ACCS: variants seen among roughly 807,000 people sequenced by gnomAD.
ACCS encodes 1-aminocyclopropane-1-carboxylate synthase homolog (inactive).
A neutral mutation model predicts 59.8 loss-of-function variants in ACCS; 42 were observed. The observed-to-expected ratio is 0.70, with a 90% CI of 0.55 to 0.91. ACCS has a LOEUF of 0.91. Among genes scored for constraint, ACCS ranks in the 40% least tolerant of loss-of-function variants. The probability of loss-of-function intolerance (pLI) is 0.00; values close to 1 mark genes in which losing one functional copy is unlikely to be tolerated. For missense variants in ACCS, 602 were observed against 630.4 expected (o/e 0.95, Z 0.48); for synonymous variants, 230 against 240.3 (o/e 0.96, Z 0.40).
chr11:44,084,112 A>C lies in ACCS; in HGVS notation c.*320A>C. 3.7e-6 allele frequency: 1 copy of C among 268,188 alleles called. No individual in the cohort carries two copies. The allele number at this position is 268,188 out of a possible 1,614,324, so 16.6% of individuals were successfully genotyped here. A position where few individuals can be genotyped will look rare whatever the true frequency, so the allele number is the denominator to read the frequency against. Reference sequence around the variant, plus strand: ...CCCCTGAGGATGTGAAAAGAAAACAAACAACTTGTACCTTCTTTCTGATAT... The same window carrying C: ...CCCCTGAGGATGTGAAAAGAAAACACACAACTTGTACCTTCTTTCTGATAT... On this transcript the variant is annotated 3_prime_UTR_variant, in exon 15 of 15. Coordinates refer to ENST00000263776, the MANE Select transcript of ACCS (RefSeq NM_032592.4).
At chr11:44,078,917 G>A in intron 9 of ACCS, 133 bp downstream of exon 9, 3 of 677,144 alleles carry the variant, frequency 4.4e-6, no homozygotes, top group Non-Finnish European at 7.6e-6. Flanking sequence ...CTTGGCAGTG[G>A]AGCGGGGAAG....
rs1953744194 is a variant in ACCS at position 44,083,688 on chromosome 11, T to A, written c.1409-7T>A. ...GTGCCAACTGGCCCCTCACTTCCCC[T>A]TCCCAGGGATGCAGAGGGTCCAGCA... On this transcript the variant is annotated splice_region_variant and splice_polypyrimidine_tract_variant and intron_variant, in intron 14 of 14. Coordinates refer to ENST00000263776, the MANE Select transcript of ACCS (RefSeq NM_032592.4). 1 of 1,613,986 alleles carries A rather than the reference T, an allele frequency of 6.2e-7. No individual in the cohort carries two copies. Among genetic ancestry groups the A allele is most frequent in the Non-Finnish European group, 8.5e-7 (1 of 1,180,006 alleles).
chr11:44,077,203 G>C (rs1218313037), intron 6 of ACCS, 76 bp from the exon 7 acceptor site: 45 of 1,496,794 alleles, frequency 3.0e-5, no homozygotes, highest in Non-Finnish European at 2.7e-5. Flanking sequence ...CTTGGAGAGG[G>C]ACTGGGGACA....
At chr11:44,070,507 C>T (rs141247222) in intron 2 of ACCS, among the ~76,000 whole-genome samples, 41 of 152,278 alleles carry the variant, frequency 2.7e-4, no homozygotes, top group Admixed American at 2.6e-4. Context: ...AGCCTGAGCT[C>T]ATTCAGGTTT....
In ACCS at chr11:44,081,250, T is replaced by C; in HGVS notation, c.1041T>C (p.Ala347=). Residue 347 remains alanine, a synonymous_variant, in exon 12 of 15, where the codon GCT becomes GCC. Transcript: ENST00000263776. The stretch of plus-strand genomic sequence containing the variant: ...ACCAGGATGTGGCCACTGCCGTGGC[T>C]TCCCTCTGCCGCTACCACGGCCTCA... ...TENQDVATAV[A]SLCRYHGLSG... 6.2e-7 allele frequency: 1 copy of C among 1,614,256 alleles called. No homozygotes were observed. Among genetic ancestry groups the C allele is most frequent in the Non-Finnish European group, 8.5e-7 (1 of 1,180,042 alleles).
chr11:44,073,129 G>A (rs1056685437), intron 3 of ACCS, among the ~76,000 whole-genome samples: 4 of 152,160 alleles, frequency 2.6e-5, no homozygotes, highest in Admixed American at 6.5e-5. Context: ...GTGCTCTTCC[G>A]TTAATACTTT....
intron 2 of ACCS, among the ~76,000 whole-genome samples, chr11:44,068,662 A>G (rs1952904292): frequency 6.6e-6 from 1 of 152,216 alleles, no homozygotes; most frequent in East Asian, 1.9e-4. Context: ...CCTGTTGTGT[A>G]GAAGAGTCAA....
At chr11:44,078,276 C>T (rs1488829977) in intron 8 of ACCS, 8 of 328,300 alleles carry the variant, frequency 2.4e-5, no homozygotes, top group Admixed American at 9.0e-5. Context: ...GGCAACCTTG[C>T]TCACTGTGGG....
chr11:44,076,467 G>A (rs1267653309), intron 6 of ACCS, among the ~76,000 whole-genome samples: 1 of 152,196 alleles, frequency 6.6e-6, no homozygotes, highest in African/African-American at 2.4e-5. Flanking sequence ...GTCACACAAA[G>A]AGAGGTAGTA....
Position 44,078,714 on chromosome 11 carries a change from A to G in ACCS, c.763A>G (p.Ser255Gly), listed in dbSNP as rs1030004630. The G allele has an allele frequency of 1.3e-5, 21 of 1,614,038 alleles. No individual in the cohort carries two copies. The highest frequency in any genetic ancestry group is 1.8e-5 in the Non-Finnish European group (21 of 1,179,988). The change falls in exon 9 of 15, where the codon AGC (serine) becomes GGC (glycine). Residue 255 changes from serine (S) to glycine (G), a missense_variant. Ser to Gly is a moderately conservative substitution (Grantham distance 56). Transcript: ENST00000263776. ...GAAGGTCAAAGGCCTCATCCTCATCAGCCCCCAGAACCCTCTGGGTGATGT... is the reference window on the plus strand; with the variant it reads ...GAAGGTCAAAGGCCTCATCCTCATCGGCCCCCAGAACCCTCTGGGTGATGT... ...GVKVKGLILI[S>G]PQNPLGDVYS... is the part of the protein sequence containing the mutation.
intron 3 of ACCS, chr11:44,071,533 T>C: frequency 1.9e-6 from 1 of 526,150 alleles, no homozygotes; most frequent in South Asian, 3.0e-5. Flanking sequence ...AGACTCTTAT[T>C]TCACTCAGTC....
chr11:44,078,675 T>C lies in ACCS; in HGVS notation c.733-9T>C. On this transcript the variant is annotated splice_polypyrimidine_tract_variant and intron_variant, in intron 8 of 14. Transcript: ENST00000263776. ...GCTGAGGGTCTCCTGCCCTAACGGA[T>C]GGTTTCAGGGTGTGAAGGTCAAAGG... The C allele has an allele frequency of 6.2e-7, 1 of 1,613,680 alleles. No individual in the cohort carries two copies. The highest frequency in any genetic ancestry group is 8.5e-7 in the Non-Finnish European group (1 of 1,179,796).
intron 8 of ACCS, 21 bp from the exon 9 acceptor site, chr11:44,078,663 T>A (rs371848125): frequency 2.0e-5 from 33 of 1,612,264 alleles, no homozygotes; most frequent in Non-Finnish European, 2.7e-5. Flanking sequence ...GAGGGTCTCC[T>A]GCCCTAACGG....
intron 12 of ACCS, among the ~76,000 whole-genome samples, chr11:44,082,925 G>T (rs978238907): frequency 2.3e-4 from 35 of 152,070 alleles, no homozygotes; most frequent in Admixed American, 2.0e-4. Context: ...TTGCGCTGAG[G>T]GGGTGTGGGA....
chr11:44,074,985 G>A (rs570229191), intron 5 of ACCS, among the ~76,000 whole-genome samples: 4 of 151,246 alleles, frequency 2.6e-5, no homozygotes, highest in East Asian at 3.9e-4. Context: ...CCACACGCCC[G>A]GCTAATTTTT....
chr11:44,081,055 C>G lies in ACCS; in HGVS notation c.959C>G (p.Ala320Gly), dbSNP rs953584794. ...PDPQRTHVMW[A>G]TSKDFGMSGL... ...CCCCAGAGGACCCATGTGATGTGGG[C>G]AACCAGCAAGGTGAGTTCCTGGCTG... is the stretch of plus-strand genomic sequence containing the variant. The change falls in exon 11 of 15, where the codon GCA becomes GGA. Residue 320 changes from alanine (A) to glycine (G), a missense_variant. Physicochemically the swap from Ala to Gly is moderately conservative, Grantham distance 60. Transcript: ENST00000263776. The G allele has an allele frequency of 6.2e-7, 1 of 1,614,076 alleles. No homozygotes were observed. The highest frequency in any genetic ancestry group is 1.3e-5 in the African/African-American group (1 of 74,942).
chr11:44,071,491 TC>T (rs1565171806), intron 3 of ACCS, 176 bp downstream of exon 3: 1 of 623,224 alleles, frequency 1.6e-6, no homozygotes, highest in Non-Finnish European at 2.8e-6. Context: ...GTGAGTTTCT[TC>T]CCCACTGTAG....
chr11:44,076,760 C>A (rs1953381018), intron 6 of ACCS, among the ~76,000 whole-genome samples: 1 of 152,182 alleles, frequency 6.6e-6, no homozygotes, highest in Admixed American at 6.5e-5. Flanking sequence ...TTCTCATGTG[C>A]TAATAAAGAC....
intron 12 of ACCS, 49 bp downstream of exon 12, chr11:44,081,369 A>C (rs1274501129): frequency 6.2e-7 from 1 of 1,604,384 alleles, no homozygotes; most frequent in South Asian, 1.1e-5. Flanking sequence ...GGTTGGAGGC[A>C]GCCTGGGAAC....
Sources: gnomAD v4.1 joint callset for allele counts (sites outside exome capture counted in the v4.1 genomes callset) on GRCh38, gnomAD v4.1.1 for gene constraint, MANE v1.5 for transcripts, NCBI Gene and HGNC (gene_info 2026-07-23, HGNC 2026-07-21) for gene names.